MGAT4C: variants seen among roughly 807,000 people sequenced by gnomAD.
MGAT4C encodes the protein alpha-1,3-mannosyl-glycoprotein 4-beta-N-acetylglucosaminyltransferase C.
A neutral mutation model predicts 40.1 loss-of-function variants in MGAT4C; 19 were observed. That is an observed-to-expected ratio of 0.47 (90% CI 0.33 to 0.70). The LOEUF is 0.70. Among genes scored for constraint, MGAT4C ranks in the 30% least tolerant of loss-of-function variants. The pLI, the probability that MGAT4C is intolerant of heterozygous loss-of-function variation, is 0.02. For missense variants in MGAT4C, 491 were observed against 563.2 expected (o/e 0.87, Z 1.30); for synonymous variants, 181 against 187.1 (o/e 0.97, Z 0.27).
chr12:86,304,239 G>A lies in MGAT4C; in HGVS notation c.-57+29826C>T, dbSNP rs1455722292. Among the ~76,000 whole-genome samples the A allele has an allele frequency of 1.3e-5, 2 of 150,444 alleles. 1 individual carries two copies. Among genetic ancestry groups the A allele is most frequent in the East Asian group, 3.9e-4 (2 of 5,154 alleles). On this transcript the variant is annotated intron_variant, in intron 4 of 7. Transcript: ENST00000548651. ...CAAAATGATTTTTGCTGGCAGATAA[G>A]CTTTTTTTGTTGCAAACTTGTGTAA... is the stretch of plus-strand genomic sequence containing the variant.
At chr12:86,079,146 A>T (rs564542363) in intron 1 of MGAT4C, among the ~76,000 whole-genome samples, 1 of 152,300 alleles carries the variant, frequency 6.6e-6, no homozygotes, top group African/African-American at 2.4e-5. Flanking sequence ...TGGTGGCAGC[A>T]GGTGGAATGC....
At chr12:86,580,255 C>T (rs1236641244) in intron 2 of MGAT4C, among the ~76,000 whole-genome samples, 1 of 151,498 alleles carries the variant, frequency 6.6e-6, no homozygotes, top group African/African-American at 2.4e-5. Context: ...CCCTATCATA[C>T]CTACATGCTA....
chr12:86,691,990 T>C (rs1174435922), intron 2 of MGAT4C, among the ~76,000 whole-genome samples: 2 of 152,158 alleles, frequency 1.3e-5, no homozygotes, highest in Non-Finnish European at 2.9e-5. Context: ...AAGATATTGG[T>C]GAATTGGTTG....
chr12:86,454,463 G>C (rs1359737474), intron 2 of MGAT4C, among the ~76,000 whole-genome samples: 2 of 152,010 alleles, frequency 1.3e-5, no homozygotes, highest in Non-Finnish European at 2.9e-5. Flanking sequence ...CTGAGATCAA[G>C]AAATCCACCT....
At position 86,074,840 on chromosome 12, in the gene MGAT4C, A is replaced by G. The variant is rs547180240; in HGVS notation, c.-56-25117T>C. 2.6e-5 allele frequency among the ~76,000 whole-genome samples: 4 copies of G among 152,254 alleles called. No homozygotes were observed. The East Asian group carries it at 7.7e-4, about 29-fold the overall frequency. On this transcript the variant is annotated intron_variant, in intron 1 of 4. Transcript: ENST00000611864. Reference sequence around the variant, plus strand: ...GATCTCGTGAGACTTATTTACTACCATGAAAACAGTATGAGGAAAACTGCC... The same window carrying G: ...GATCTCGTGAGACTTATTTACTACCGTGAAAACAGTATGAGGAAAACTGCC...
intron 2 of MGAT4C, among the ~76,000 whole-genome samples, chr12:86,674,572 G>C (rs576658017): frequency 3.1e-4 from 47 of 152,028 alleles, no homozygotes; most frequent in African/African-American, 9.6e-4. Flanking sequence ...TGTCAGGCAC[G>C]TGTAATCCCA....
intron 3 of MGAT4C, among the ~76,000 whole-genome samples, chr12:86,418,700 T>C (rs1156963083): frequency 1.3e-5 from 2 of 151,980 alleles, no homozygotes; most frequent in African/African-American, 4.8e-5. Flanking sequence ...TTAGAGAATA[T>C]TGCAAAGAAC....
In MGAT4C at chr12:86,018,237, C is replaced by A. The variant is rs544113799; in HGVS notation, c.-6-28685G>T. On this transcript the variant is annotated intron_variant, in intron 2 of 4. Transcript: ENST00000611864. The stretch of plus-strand genomic sequence containing the variant: ...ATTCTACCCATCTAAATGAAAGTGG[C>A]AACGTTAATCTACCCCAAGGCACTA... 3.3e-5 allele frequency among the ~76,000 whole-genome samples: 5 copies of A among 152,252 alleles called. No individual in the cohort carries two copies. In the East Asian group the frequency reaches 5.8e-4, roughly 18 times the overall value.
At chr12:86,644,854 G>A (rs1289203112) in intron 2 of MGAT4C, among the ~76,000 whole-genome samples, 1 of 151,692 alleles carries the variant, frequency 6.6e-6, no homozygotes, top group African/African-American at 2.4e-5. Context: ...TTTTGATGAA[G>A]TTTAGGAAGA....
chr12:86,395,110 A>G (rs924923042), intron 3 of MGAT4C, among the ~76,000 whole-genome samples: 4 of 152,192 alleles, frequency 2.6e-5, no homozygotes, highest in African/African-American at 9.6e-5. Context: ...TACATAATTT[A>G]GTAAAGTAAT....
chr12:86,683,457 T>C (rs2136583776), intron 2 of MGAT4C, among the ~76,000 whole-genome samples: 1 of 152,290 alleles, frequency 6.6e-6, no homozygotes, highest in African/African-American at 2.4e-5. Context: ...TGTCTATCCT[T>C]TCAACTACTT....
chr12:86,837,188 G>A (rs1247530896), intron 1 of MGAT4C, among the ~76,000 whole-genome samples: 1 of 152,012 alleles, frequency 6.6e-6, no homozygotes, highest in Non-Finnish European at 1.5e-5. Context: ...AGGAGAGAAA[G>A]CTTGCCAAAT....
rs181003824 is a variant in MGAT4C at position 86,731,009 on chromosome 12, C to T, written c.-261-3768G>A. The stretch of plus-strand genomic sequence containing the variant: ...GAGACAGTAATTTGCTTTTGGTCAA[C>T]TAGTTAGTGAGTGTCAAAGGCAGAA... On this transcript the variant is annotated intron_variant, in intron 1 of 7. Coordinates refer to the MGAT4C transcript ENST00000548651. Among the ~76,000 whole-genome samples the T allele has an allele frequency of 1.2e-3, 176 of 152,154 alleles. No individual in the cohort carries two copies. In the Middle Eastern group the frequency reaches 0.027, roughly 24 times the overall value.
chr12:86,338,633 C>T (rs892022142), intron 3 of MGAT4C, among the ~76,000 whole-genome samples: 3 of 152,008 alleles, frequency 2.0e-5, no homozygotes, highest in Admixed American at 6.6e-5. Context: ...AAGATGGAGT[C>T]GGTTAGGTTA....
At chr12:86,086,748 T>C (rs895000094) in intron 1 of MGAT4C, among the ~76,000 whole-genome samples, 1 of 152,110 alleles carries the variant, frequency 6.6e-6, no homozygotes, top group Non-Finnish European at 1.5e-5. Context: ...TTTAATGTGC[T>C]ACTGTACACT....
chr12:86,306,895 T>C (rs535039701), intron 4 of MGAT4C, among the ~76,000 whole-genome samples: 1 of 150,584 alleles, frequency 6.6e-6, no homozygotes, highest in Non-Finnish European at 1.5e-5. Flanking sequence ...ATTAGGTACA[T>C]TGTAATATTA....
intron 1 of MGAT4C, among the ~76,000 whole-genome samples, chr12:86,729,653 C>CA (rs199519845): frequency 0.038 from 5,758 of 151,108 alleles, 144 homozygotes; most frequent in Middle Eastern, 0.051. Context: ...AATATAAAAA[C>CA]AAAAAAAACT....
chr12:86,737,471 T>G (rs1951005258), intron 1 of MGAT4C, among the ~76,000 whole-genome samples: 2 of 151,276 alleles, frequency 1.3e-5, no homozygotes, highest in African/African-American at 4.8e-5. Flanking sequence ...CTCTAAATTT[T>G]AAGCTACCTC....
intron 3 of MGAT4C, among the ~76,000 whole-genome samples, chr12:86,338,613 G>A (rs938724176): frequency 6.6e-5 from 10 of 152,110 alleles, no homozygotes; most frequent in Non-Finnish European, 1.2e-4. Context: ...ACAGCTTGGA[G>A]GTTAGTAGAA....
Sources: gnomAD v4.1 joint callset for allele counts (sites outside exome capture counted in the v4.1 genomes callset) on GRCh38, gnomAD v4.1.1 for gene constraint, MANE v1.5 for transcripts, NCBI Gene and HGNC (gene_info 2026-07-23, HGNC 2026-07-21) for gene names.